STX8: variants seen among roughly 807,000 people sequenced by gnomAD.
STX8 encodes the protein syntaxin-8.
A neutral mutation model predicts 37.5 loss-of-function variants in STX8; 23 were observed. That is an observed-to-expected ratio of 0.61 (90% confidence interval 0.44 to 0.87). STX8 has a LOEUF of 0.87. STX8 is among the 40% of genes least tolerant of loss of function. The pLI, the probability that STX8 is intolerant of heterozygous loss-of-function variation, is 0.00. For missense variants in STX8, 313 were observed against 284.7 expected, an observed-to-expected ratio of 1.10 and a Z score of -0.71; for synonymous variants, 115 against 99.1, an observed-to-expected ratio of 1.16 and a Z score of -0.95.
chr17:9,259,341 A>C (rs1353752427), intron 7 of STX8, among the ~76,000 whole-genome samples: 2 of 152,196 alleles, frequency 1.3e-5, no homozygotes, highest in Non-Finnish European at 2.9e-5. Flanking sequence ...ACCCTGCCTG[A>C]AACGGGTGCC....
chr17:9,389,289 G>C (rs771376220), intron 6 of STX8, among the ~76,000 whole-genome samples: 2 of 152,214 alleles, frequency 1.3e-5, no homozygotes, highest in Non-Finnish European at 2.9e-5. Flanking sequence ...AGTCTATTAA[G>C]AGCAAATTAA....
At chr17:9,278,514 C>T (rs4791825) in intron 7 of STX8, among the ~76,000 whole-genome samples, 7 of 151,386 alleles carry the variant, frequency 4.6e-5, no homozygotes, top group Middle Eastern at 3.5e-3. Context: ...TAAGCAAGGG[C>T]GGCTATAGTG....
intron 6 of STX8, among the ~76,000 whole-genome samples, chr17:9,407,365 G>A (rs1005250339): frequency 6.6e-6 from 1 of 151,980 alleles, no homozygotes; most frequent in African/African-American, 2.4e-5. Flanking sequence ...GAGGGAGATA[G>A]AAAAAACAAA....
chr17:9,311,306 G>A (rs556927570), intron 7 of STX8, among the ~76,000 whole-genome samples: 5 of 151,548 alleles, frequency 3.3e-5, no homozygotes, highest in Non-Finnish European at 7.4e-5. Flanking sequence ...GCTATTCGCA[G>A]CTGCCTGAAA....
chr17:9,572,250 C>T (rs1907714839), intron 1 of STX8, among the ~76,000 whole-genome samples: 1 of 152,138 alleles, frequency 6.6e-6, no homozygotes, highest in Non-Finnish European at 1.5e-5. Context: ...TGGGCTCCTT[C>T]TGTTAAACAG....
At chr17:9,266,247 G>A (rs574622828) in intron 7 of STX8, among the ~76,000 whole-genome samples, 20 of 152,332 alleles carry the variant, frequency 1.3e-4, no homozygotes, top group African/African-American at 4.1e-4. Context: ...AGTTGGCAGT[G>A]GGTGCCAGCA....
At chr17:9,292,152 G>A (rs772917752) in intron 7 of STX8, among the ~76,000 whole-genome samples, 4 of 152,252 alleles carry the variant, frequency 2.6e-5, no homozygotes, top group African/African-American at 7.2e-5. Flanking sequence ...TGGCCCAGAG[G>A]TGGATGGACG....
At chr17:9,329,726 A>C (rs1265378034) in intron 7 of STX8, among the ~76,000 whole-genome samples, 1 of 152,346 alleles carries the variant, frequency 6.6e-6, no homozygotes, top group East Asian at 1.9e-4. Flanking sequence ...TGCCAAAGTG[A>C]GCGGTAGGAG....
chr17:9,572,398 TG>T (rs1457275671), intron 1 of STX8, among the ~76,000 whole-genome samples: 1 of 147,410 alleles, frequency 6.8e-6, no homozygotes, highest in African/African-American at 2.5e-5. Context: ...TTTTATAGGT[TG>T]TTTTTGTTTG....
At chr17:9,416,541 G>C (rs572711868) in intron 6 of STX8, among the ~76,000 whole-genome samples, 2 of 150,782 alleles carry the variant, frequency 1.3e-5, no homozygotes, top group Non-Finnish European at 3.0e-5. Context: ...GCTAATTTTT[G>C]TATTTTTAGT....
intron 7 of STX8, among the ~76,000 whole-genome samples, chr17:9,289,814 A>G (rs1335749678): frequency 6.6e-6 from 1 of 152,128 alleles, no homozygotes; most frequent in African/African-American, 2.4e-5. Context: ...ACACAAAGGG[A>G]AAAATGACAA....
In STX8 at chr17:9,259,955, C is replaced by T. The variant is rs965936532; in HGVS notation, c.644-9310G>A. Reference sequence around the variant, plus strand: ...CATAGTGTCCGGGCATGGTGGCTAACGCCTGTAATCCCAGCACTTTGGGAG... The same window carrying T: ...CATAGTGTCCGGGCATGGTGGCTAATGCCTGTAATCCCAGCACTTTGGGAG... On this transcript the variant is annotated intron_variant, in intron 7 of 7. Transcript: ENST00000306357. 3.3e-5 allele frequency among the ~76,000 whole-genome samples: 5 copies of T among 152,118 alleles called. No homozygotes were observed. In the East Asian group the frequency reaches 5.8e-4, roughly 18 times the overall value.
At chr17:9,557,730 C>T (rs1648739973) in intron 2 of STX8, among the ~76,000 whole-genome samples, 1 of 152,148 alleles carries the variant, frequency 6.6e-6, no homozygotes, top group African/African-American at 2.4e-5. Context: ...ACAGCTTGTA[C>T]CCGCTCCACA....
chr17:9,412,507 G>A (rs1913018921), intron 6 of STX8, among the ~76,000 whole-genome samples: 2 of 152,078 alleles, frequency 1.3e-5, no homozygotes, highest in Admixed American at 6.5e-5. Context: ...TCAAACTCCC[G>A]ACCTCAGGTG....
intron 2 of STX8, among the ~76,000 whole-genome samples, chr17:9,558,919 G>C (rs1331770693): frequency 6.6e-6 from 1 of 151,782 alleles, no homozygotes; most frequent in African/African-American, 2.4e-5. Flanking sequence ...AAAGACAAAA[G>C]CATTTGGGAG....
At chr17:9,488,819 AGAGTGT>A (rs1361559023) in intron 6 of STX8, among the ~76,000 whole-genome samples, 30 of 92,544 alleles carry the variant, frequency 3.2e-4, no homozygotes, top group African/African-American at 9.3e-4. Flanking sequence ...AGAGAGAGAG[AGAGTGT>A]GTGTGTGTGT....
intron 6 of STX8, among the ~76,000 whole-genome samples, chr17:9,418,471 T>C (rs1312965339): frequency 6.6e-6 from 1 of 150,814 alleles, no homozygotes; most frequent in African/African-American, 2.4e-5. Flanking sequence ...GGCAAAGGAC[T>C]TTCTCCTCAG....
At chr17:9,326,282 CA>C (rs1481837272) in intron 7 of STX8, among the ~76,000 whole-genome samples, 1 of 152,118 alleles carries the variant, frequency 6.6e-6, no homozygotes, top group African/African-American at 2.4e-5. Context: ...AGGTGCCTGT[CA>C]CCATACCTGG....
At chr17:9,269,267 G>C (rs1010702149) in intron 7 of STX8, among the ~76,000 whole-genome samples, 1 of 152,140 alleles carries the variant, frequency 6.6e-6, no homozygotes, top group Non-Finnish European at 1.5e-5. Flanking sequence ...GATTGCATCT[G>C]GAGCGTCACT....
Sources: gnomAD v4.1 joint callset for allele counts (sites outside exome capture counted in the v4.1 genomes callset) on GRCh38, gnomAD v4.1.1 for gene constraint, MANE v1.5 for transcripts, NCBI Gene and HGNC (gene_info 2026-07-23, HGNC 2026-07-21) for gene names.